SLC15A5: variants seen among roughly 807,000 people sequenced by gnomAD.
The protein encoded by SLC15A5 is Peptide/histidine transporter ENSP00000340402.
SLC15A5 carries 58 observed loss-of-function variants against 56.1 expected under a neutral mutation model. The ratio of observed to expected loss-of-function variants is 1.03; its 90% CI spans 0.84 to 1.29. SLC15A5 has a LOEUF of 1.29. SLC15A5 is among the 50% of genes most tolerant of loss of function. The pLI, the probability that SLC15A5 is intolerant of heterozygous loss-of-function variation, is 0.00. For missense variants in SLC15A5, 681 were observed against 672.1 expected (o/e 1.01, Z -0.15); for synonymous variants, 264 against 250.5 (o/e 1.05, Z -0.51).
At chr12:16,275,441 T>C (rs1369834860) in intron 1 of SLC15A5, among the ~76,000 whole-genome samples, 2 of 152,014 alleles carry the variant, frequency 1.3e-5, no homozygotes, top group Non-Finnish European at 2.9e-5. Flanking sequence ...AGAAGCAATA[T>C]AGAGATTTAT....
intron 5 of SLC15A5, among the ~76,000 whole-genome samples, chr12:16,233,044 A>C (rs1864313465): frequency 1.3e-5 from 2 of 152,148 alleles, no homozygotes. Flanking sequence ...AGACCTCTCA[A>C]CAGTAATTTA....
chr12:16,220,564 T>A (rs928219064), intron 6 of SLC15A5, among the ~76,000 whole-genome samples: 1 of 152,238 alleles, frequency 6.6e-6, no homozygotes, highest in Non-Finnish European at 1.5e-5. Flanking sequence ...CCACCTATTT[T>A]AATAAAGTTT....
chr12:16,204,417 C>A, intron 7 of SLC15A5, among the ~76,000 whole-genome samples: 2 of 140,376 alleles, frequency 1.4e-5, no homozygotes, highest in Admixed American at 7.4e-5. Context: ...ACCTAGGCAA[C>A]AGAGCGAGAC....
chr12:16,236,372 C>T (rs1565666481), intron 5 of SLC15A5, among the ~76,000 whole-genome samples: 1 of 152,206 alleles, frequency 6.6e-6, no homozygotes, highest in East Asian at 1.9e-4. Context: ...TAAGAAAATG[C>T]AGCCCTTGAT....
intron 7 of SLC15A5, among the ~76,000 whole-genome samples, chr12:16,204,771 A>G (rs1056883176): frequency 1.3e-5 from 2 of 152,142 alleles, no homozygotes; most frequent in Admixed American, 1.3e-4. Flanking sequence ...TTCACAACCT[A>G]TATTAAATAC....
At chr12:16,262,684 T>C (rs553393507) in intron 2 of SLC15A5, among the ~76,000 whole-genome samples, 1 of 152,312 alleles carries the variant, frequency 6.6e-6, no homozygotes, top group South Asian at 2.1e-4. Context: ...AAATCTCAAC[T>C]TGTAGCTCTC....
chr12:16,257,794 C>G lies in SLC15A5; in HGVS notation c.661G>C (p.Ala221Pro). 1 of 1,530,320 alleles carries G rather than the reference C, an allele frequency of 6.5e-7. No homozygotes were observed. 94.8% of individuals were successfully genotyped at this position (1,530,320 alleles called of 1,614,324 possible). The stretch of plus-strand genomic sequence containing the variant: ...ATAAAAGGAATAAGTAAAACAAGGG[C>G]CCAGGCCTGTGAGTGCTGGATGTAA... ...ISYIQHSQAWALVLLIPFMSM... is the reference protein window; with the variant it reads ...ISYIQHSQAWPLVLLIPFMSM... Residue 221 changes from alanine (A) to proline (P), a missense_variant, in exon 3 of 9, where the codon GCC becomes CCC. Transcript: ENST00000344941.
chr12:16,257,692 T>C lies in SLC15A5; in HGVS notation c.754+9A>G. ...ACCCAGAAATCAATGTAACGCATAA[T>C]TTACTTACGTTTTTCTGACTGATAA... On this transcript the variant is annotated intron_variant, in intron 3 of 8. Transcript: ENST00000344941. 4.1e-6 allele frequency: 6 copies of C among 1,448,292 alleles called. No individual in the cohort carries two copies. Among genetic ancestry groups the C allele is most frequent in the Non-Finnish European group, 5.4e-6 (6 of 1,107,946 alleles). The allele number at this position is 1,448,292 out of a possible 1,614,324, so 89.7% of individuals were successfully genotyped here.
intron 1 of SLC15A5, among the ~76,000 whole-genome samples, chr12:16,274,299 A>G (rs1377766873): frequency 6.6e-6 from 1 of 152,086 alleles, no homozygotes; most frequent in Admixed American, 6.6e-5. Flanking sequence ...TTGTATGAGA[A>G]GATCTTCATT....
At chr12:16,256,532 G>T (rs1263687057) in intron 3 of SLC15A5, among the ~76,000 whole-genome samples, 1 of 152,176 alleles carries the variant, frequency 6.6e-6, no homozygotes, top group Non-Finnish European at 1.5e-5. Context: ...TATGGGAAAT[G>T]CTCTAAGAAA....
At chr12:16,263,703 G>A (rs1032031481) in intron 2 of SLC15A5, among the ~76,000 whole-genome samples, 1 of 152,136 alleles carries the variant, frequency 6.6e-6, no homozygotes, top group Non-Finnish European at 1.5e-5. Flanking sequence ...GCTGTGTGTA[G>A]TCTAGGGACT....
chr12:16,195,996 C>T (rs902528732), intron 7 of SLC15A5, among the ~76,000 whole-genome samples: 25 of 151,942 alleles, frequency 1.6e-4, no homozygotes, highest in African/African-American at 5.8e-4. Context: ...GTGCAACTTA[C>T]AAAATAGGTA....
intron 4 of SLC15A5, among the ~76,000 whole-genome samples, chr12:16,241,048 C>T (rs775592766): frequency 6.6e-6 from 1 of 152,092 alleles, no homozygotes; most frequent in Non-Finnish European, 1.5e-5. Flanking sequence ...CTCCTGACCT[C>T]GTGATCTGCC....
chr12:16,268,158 C>T (rs1310929507), intron 2 of SLC15A5, among the ~76,000 whole-genome samples: 1 of 115,606 alleles, frequency 8.7e-6, no homozygotes, highest in Non-Finnish European at 1.8e-5. Flanking sequence ...GGGCAGATTG[C>T]CTGAGCTCAG....
intron 6 of SLC15A5, among the ~76,000 whole-genome samples, chr12:16,218,247 C>G (rs1456250725): frequency 1.3e-5 from 2 of 152,120 alleles, no homozygotes. Flanking sequence ...AGGAAATACA[C>G]TAAATAATAT....
chr12:16,273,985 TTAAA>T (rs1252677361), intron 1 of SLC15A5, among the ~76,000 whole-genome samples: 1 of 150,602 alleles, frequency 6.6e-6, no homozygotes, highest in Non-Finnish European at 1.5e-5. Flanking sequence ...TGTATTTTAC[TTAAA>T]TAAATTGAGG....
rs2136238417 is a variant in SLC15A5, at chr12:16,196,946, A to T, written c.1484-2493T>A. On this transcript the variant is annotated intron_variant, in intron 7 of 8. Transcript: ENST00000344941. This position sits in a 1 kb window ranked among gnomAD's most constrained non-coding sequence, Gnocchi z 4.0. ...CTCATCACTGGGGATGCTGTGGAAAACAGAAATGACAAGTACTATGACTTG... is the reference window on the plus strand; with the variant it reads ...CTCATCACTGGGGATGCTGTGGAAATCAGAAATGACAAGTACTATGACTTG... Among the ~76,000 whole-genome samples, 1 of 152,202 alleles carries T rather than the reference A, an allele frequency of 6.6e-6. No homozygotes were observed. Among genetic ancestry groups the T allele is most frequent in the Middle Eastern group, 3.4e-3 (1 of 294 alleles).
chr12:16,189,648 A>G lies in SLC15A5; in HGVS notation c.*20T>C. 6.8e-7 allele frequency: 1 copy of G among 1,463,628 alleles called. No homozygotes were observed. The highest frequency in any genetic ancestry group is 9.0e-7 in the Non-Finnish European group (1 of 1,111,884). The allele number at this position is 1,463,628 out of a possible 1,614,324, so 90.7% of individuals were successfully genotyped here. ...ACAATGAATACTGTTCTCATAAGAC[A>G]GGTAGACTCAAACACAGTTTCATAG... On this transcript the variant is annotated 3_prime_UTR_variant, in exon 9 of 9. Coordinates refer to ENST00000344941, the MANE Select transcript of SLC15A5 (RefSeq NM_001170798.1).
At chr12:16,261,881 A>G (rs1441382217) in intron 2 of SLC15A5, among the ~76,000 whole-genome samples, 2 of 152,208 alleles carry the variant, frequency 1.3e-5, no homozygotes, top group Admixed American at 1.3e-4. Flanking sequence ...TATTCTGGCT[A>G]TAAGTCCTTT....
Sources: gnomAD v4.1 joint callset for allele counts (sites outside exome capture counted in the v4.1 genomes callset) on GRCh38, gnomAD v4.1.1 for gene constraint, Gnocchi (gnomAD v3.1) non-coding constraint, MANE v1.5 for transcripts, NCBI Gene and HGNC (gene_info 2026-07-23, HGNC 2026-07-21) for gene names.